The following CACNA2D3 variants were observed in gnomAD, a reference collection of about 807,000 sequenced individuals.
CACNA2D3 encodes the protein voltage-dependent calcium channel subunit alpha-2/delta-3.
A neutral mutation model predicts 160.6 loss-of-function variants in CACNA2D3; 60 were observed. That is an observed-to-expected ratio of 0.37 (90% CI 0.30 to 0.46). CACNA2D3 has a LOEUF of 0.46. Among genes scored for constraint, CACNA2D3 ranks in the 20% least tolerant of loss-of-function variants. The pLI is 1.00. For missense variants in CACNA2D3, 1,205 were observed against 1,365.0 expected, an observed-to-expected ratio of 0.88 and a Z score of 1.85; for synonymous variants, 558 against 492.9, an observed-to-expected ratio of 1.13 and a Z score of -1.75.
At chr3:54,520,416 A>G (rs1161398342) in intron 5 of CACNA2D3, among the ~76,000 whole-genome samples, 1 of 152,206 alleles carries the variant, frequency 6.6e-6, no homozygotes, top group Admixed American at 6.5e-5. Context: ...TGTCCCAAAC[A>G]AAAGAGCAGT....
chr3:54,233,936 A>G (rs1354192042), intron 2 of CACNA2D3, among the ~76,000 whole-genome samples: 1 of 152,160 alleles, frequency 6.6e-6, no homozygotes, highest in Non-Finnish European at 1.5e-5. Context: ...CTGGAAGACA[A>G]CCTGGGCATT....
At chr3:54,924,783 TTCTCCCAAGTC>T (rs751826795) in intron 27 of CACNA2D3, 7 of 1,613,966 alleles carry the variant, frequency 4.3e-6, no homozygotes, top group African/African-American at 2.7e-5. Context: ...TATAGTTAGG[TTCTCCCAAGTC>T]TCTCCCAAGG....
intron 9 of CACNA2D3, among the ~76,000 whole-genome samples, chr3:54,592,091 G>A (rs1012490898): frequency 8.5e-5 from 13 of 152,334 alleles, no homozygotes; most frequent in African/African-American, 3.1e-4. Flanking sequence ...GGATTATGAT[G>A]TTGTGCACTG....
In CACNA2D3 at chr3:54,726,586, A is replaced by G. The variant is rs183277845; in HGVS notation, c.1168-26013A>G. On this transcript the variant is annotated intron_variant, in intron 11 of 37. Coordinates refer to ENST00000474759, the MANE Select transcript of CACNA2D3 (RefSeq NM_018398.3). ...CAGAGATATAGACCAATGGAGCAGA[A>G]CAGAGGCCTCGGAAATAACACCACA... is the stretch of plus-strand genomic sequence containing the variant. Among the ~76,000 whole-genome samples, 675 of 152,316 alleles carry G rather than the reference A, an allele frequency of 4.4e-3. 7 individuals carry two copies. Among genetic ancestry groups the G allele is most frequent in the African/African-American group, 0.015 (631 of 41,566 alleles).
intron 29 of CACNA2D3, among the ~76,000 whole-genome samples, chr3:54,974,812 A>G (rs530932645): frequency 6.6e-6 from 1 of 152,166 alleles, no homozygotes; most frequent in African/African-American, 2.4e-5. Flanking sequence ...AATTTCTTCA[A>G]GCTCTTCAAC....
intron 9 of CACNA2D3, among the ~76,000 whole-genome samples, chr3:54,611,729 A>G (rs1698752164): frequency 6.6e-6 from 1 of 152,184 alleles, no homozygotes; most frequent in South Asian, 2.1e-4. Context: ...AAGAATTGCC[A>G]TCTTTAATAT....
intron 9 of CACNA2D3, among the ~76,000 whole-genome samples, chr3:54,618,368 T>TGCAC (rs1698902916): frequency 1.1e-5 from 1 of 89,078 alleles, no homozygotes; most frequent in African/African-American, 5.1e-5. Flanking sequence ...TATATATATA[T>TGCAC]ATATATGCAC....
At position 54,237,895 on chromosome 3, in the gene CACNA2D3, A is replaced by G. The variant is rs9862374; in HGVS notation, c.205-82547A>G. 8.6e-3 allele frequency among the ~76,000 whole-genome samples: 1,303 copies of G among 152,262 alleles called. 20 individuals are homozygous for G. The highest frequency in any genetic ancestry group is 0.03 in the African/African-American group (1,245 of 41,536). ...TTCCATGGGTGAATAAGTTTAGGAAATGCGAAACCAAGTTAAGCAGGTTTC... is the reference window on the plus strand; with the variant it reads ...TTCCATGGGTGAATAAGTTTAGGAAGTGCGAAACCAAGTTAAGCAGGTTTC... On this transcript the variant is annotated intron_variant, in intron 2 of 37. Transcript: ENST00000474759.
At chr3:54,646,327 G>T (rs933414918) in intron 11 of CACNA2D3, among the ~76,000 whole-genome samples, 2 of 151,554 alleles carry the variant, frequency 1.3e-5, no homozygotes. Context: ...CATGTGCCAT[G>T]GTGGTTTACT....
At chr3:54,531,036 C>T (rs751026380) in intron 5 of CACNA2D3, among the ~76,000 whole-genome samples, 9 of 152,144 alleles carry the variant, frequency 5.9e-5, no homozygotes, top group African/African-American at 1.2e-4. Flanking sequence ...TCAGGACACC[C>T]GGAATAAGCC....
intron 3 of CACNA2D3, among the ~76,000 whole-genome samples, chr3:54,358,907 TC>T (rs1414521926): frequency 1.3e-5 from 2 of 152,202 alleles, no homozygotes; most frequent in African/African-American, 4.8e-5. Flanking sequence ...CAATTTTTTT[TC>T]CTCCCACCTT....
chr3:54,927,960 A>G, intron 27 of CACNA2D3: 2 of 1,594,232 alleles, frequency 1.3e-6, no homozygotes, highest in Admixed American at 3.3e-5. Context: ...CCCTTTAATT[A>G]ATGTGCAGAG....
intron 9 of CACNA2D3, among the ~76,000 whole-genome samples, chr3:54,584,542 T>TA (rs1385731330): frequency 4.0e-5 from 6 of 150,482 alleles, no homozygotes; most frequent in East Asian, 2.0e-4. Context: ...TGAGGGACAA[T>TA]AACAAAAAAA....
At chr3:54,584,689 A>G (rs532888302) in intron 9 of CACNA2D3, among the ~76,000 whole-genome samples, 29 of 152,348 alleles carry the variant, frequency 1.9e-4, no homozygotes, top group Admixed American at 9.2e-4. Context: ...GGTTATGCAA[A>G]CTCCAAATAG....
In CACNA2D3 at chr3:54,253,858, C is replaced by T. The variant is rs956952929; in HGVS notation, c.205-66584C>T. ...TCTCGGCTCGCTGCAACCTCTGCCA[C>T]CCACGTTCAAGCAATTCTCCTGCCT... On this transcript the variant is annotated intron_variant, in intron 2 of 37. Coordinates refer to ENST00000474759, the MANE Select transcript of CACNA2D3 (RefSeq NM_018398.3). 2.0e-5 allele frequency among the ~76,000 whole-genome samples: 3 copies of T among 152,004 alleles called. No individual in the cohort carries two copies. In the East Asian group the frequency reaches 5.8e-4, roughly 30 times the overall value.
At chr3:55,050,392 G>T (rs1470135325) in intron 35 of CACNA2D3, among the ~76,000 whole-genome samples, 31 of 151,540 alleles carry the variant, frequency 2.0e-4, no homozygotes, top group African/African-American at 7.0e-4. Context: ...TGAAATTCTG[G>T]GTTGAAAATT....
chr3:55,019,114 T>A (rs1348905890), intron 35 of CACNA2D3, among the ~76,000 whole-genome samples: 1 of 151,726 alleles, frequency 6.6e-6, no homozygotes, highest in East Asian at 1.9e-4. Flanking sequence ...TTTCTTTTTT[T>A]AATAAGTCTA....
At chr3:54,377,852 T>G (rs997077228) in intron 3 of CACNA2D3, among the ~76,000 whole-genome samples, 3 of 152,196 alleles carry the variant, frequency 2.0e-5, no homozygotes, top group Admixed American at 6.5e-5. Flanking sequence ...CTTGCTAAAC[T>G]AAACAGAAGT....
At chr3:54,984,222 A>G (rs1397041902) in intron 29 of CACNA2D3, among the ~76,000 whole-genome samples, 1 of 152,126 alleles carries the variant, frequency 6.6e-6, no homozygotes, top group Non-Finnish European at 1.5e-5. Context: ...TGCTTTCAAA[A>G]CAGCCTGCAC....
Sources: allele counts gnomAD v4.1 joint callset (sites outside exome capture counted in the v4.1 genomes callset), GRCh38; gene constraint gnomAD v4.1.1; transcripts MANE v1.5; gene names NCBI Gene and HGNC (gene_info 2026-07-23, HGNC 2026-07-21).